The following GAREM1 variants were observed in gnomAD, a reference collection of about 807,000 sequenced individuals.
GAREM1 encodes the protein GRB2 associated regulator of MAPK1 subtype 1.
In GAREM1, 26 loss-of-function variants were observed where a neutral mutation model predicts 71.3. The ratio of observed to expected loss-of-function variants is 0.36; its 90% CI spans 0.27 to 0.51. GAREM1 has a LOEUF of 0.51. Ranked by LOEUF, GAREM1 falls within the 20% of genes least tolerant of loss-of-function variation. The probability of loss-of-function intolerance (pLI) is 0.95; values close to 1 mark genes in which losing one functional copy is unlikely to be tolerated. For missense variants in GAREM1, 1,026 were observed against 1,103.1 expected, an observed-to-expected ratio of 0.93 and a Z score of 0.99; for synonymous variants, 440 against 433.2, an observed-to-expected ratio of 1.02 and a Z score of -0.20.
chr18:32,381,474 C>A (rs965027045), intron 2 of GAREM1, among the ~76,000 whole-genome samples: 9 of 152,166 alleles, frequency 5.9e-5, no homozygotes, highest in Non-Finnish European at 1.2e-4. Context: ...TTAAAAATTT[C>A]TCAGAATTAT....
chr18:32,389,898 T>A (rs757725203), intron 2 of GAREM1, among the ~76,000 whole-genome samples: 1 of 152,160 alleles, frequency 6.6e-6, no homozygotes, highest in Non-Finnish European at 1.5e-5. Flanking sequence ...CCAGGCCAGG[T>A]ATGATGGCTC....
intron 2 of GAREM1, among the ~76,000 whole-genome samples, chr18:32,388,418 G>A (rs1336954620): frequency 6.6e-6 from 1 of 152,170 alleles, no homozygotes; most frequent in East Asian, 1.9e-4. Context: ...GGGGAGTGGT[G>A]GGGGGAGAAG....
chr18:32,318,066 C>T (rs918233498), intron 2 of GAREM1, among the ~76,000 whole-genome samples: 1 of 152,156 alleles, frequency 6.6e-6, no homozygotes, highest in Non-Finnish European at 1.5e-5. Flanking sequence ...CTTTCAGGAG[C>T]TTTGATGATT....
chr18:32,468,960 T>TCCCCCCCCCCCCCCCCC (rs34977174), intron 1 of GAREM1, among the ~76,000 whole-genome samples: 107 of 82,190 alleles, frequency 1.3e-3, no homozygotes, highest in African/African-American at 1.9e-3. Flanking sequence ...CACCTGTGCG[T>TCCCCCCCCCCCCCCCCC]CCCCCCCCCC....
chr18:32,450,129 G>T (rs2048821409), intron 1 of GAREM1, among the ~76,000 whole-genome samples: 1 of 152,180 alleles, frequency 6.6e-6, no homozygotes, highest in Non-Finnish European at 1.5e-5. Context: ...GGCACAACCA[G>T]TCAGAAAATT....
chr18:32,430,450 T>C (rs1451981557), intron 1 of GAREM1, among the ~76,000 whole-genome samples: 1 of 152,182 alleles, frequency 6.6e-6, no homozygotes, highest in Non-Finnish European at 1.5e-5. Context: ...TCTCTCTATA[T>C]ATATACTAGG....
chr18:32,461,673 G>A (rs2048954837), intron 1 of GAREM1, among the ~76,000 whole-genome samples: 1 of 151,814 alleles, frequency 6.6e-6, no homozygotes, highest in African/African-American at 2.4e-5. Context: ...CCAGTCTGAG[G>A]GACAGAGCAA....
At chr18:32,324,611 A>G (rs1236774002) in intron 2 of GAREM1, among the ~76,000 whole-genome samples, 1 of 152,264 alleles carries the variant, frequency 6.6e-6, no homozygotes, top group East Asian at 1.9e-4. Flanking sequence ...ATAGGAGGAC[A>G]GTCCAAATTC....
At chr18:32,422,942 C>T (rs1339690049) in intron 1 of GAREM1, among the ~76,000 whole-genome samples, 1 of 152,144 alleles carries the variant, frequency 6.6e-6, no homozygotes, top group Admixed American at 6.5e-5. Flanking sequence ...TAGAACTCGG[C>T]CTCCTGCTTC....
intron 1 of GAREM1, among the ~76,000 whole-genome samples, chr18:32,439,641 T>C (rs564001069): frequency 7.0e-6 from 1 of 141,868 alleles, no homozygotes; most frequent in Non-Finnish European, 1.5e-5. Context: ...AGTGACCAAA[T>C]GAGCTTTTTT....
intron 2 of GAREM1, among the ~76,000 whole-genome samples, chr18:32,357,724 T>C (rs1002737143): frequency 3.9e-5 from 6 of 152,210 alleles, no homozygotes; most frequent in Non-Finnish European, 7.3e-5. Context: ...TTATCCAAAA[T>C]GCAAAACAGG....
At chr18:32,365,844 A>G (rs1219071424) in intron 2 of GAREM1, among the ~76,000 whole-genome samples, 1 of 152,204 alleles carries the variant, frequency 6.6e-6, no homozygotes, top group Non-Finnish European at 1.5e-5. Context: ...TATGAGTTAC[A>G]CTTCTGGAGG....
intron 3 of GAREM1, among the ~76,000 whole-genome samples, chr18:32,291,771 T>C (rs567629549): frequency 5.9e-5 from 9 of 152,200 alleles, no homozygotes; most frequent in African/African-American, 1.9e-4. Context: ...GTTAATTTGC[T>C]GAGAATGATA....
chr18:32,467,263 T>C (rs2049008677), intron 1 of GAREM1, among the ~76,000 whole-genome samples: 1 of 152,190 alleles, frequency 6.6e-6, no homozygotes. Context: ...GGCCAGCACT[T>C]AATTTGGTGT....
intron 4 of GAREM1, among the ~76,000 whole-genome samples, chr18:32,275,398 C>T (rs1406038705): frequency 1.3e-5 from 2 of 152,238 alleles, no homozygotes; most frequent in African/African-American, 2.4e-5. Flanking sequence ...CCCTCACGCT[C>T]AGTGAAGAGC....
chr18:32,448,805 T>C (rs764890451), intron 1 of GAREM1, among the ~76,000 whole-genome samples: 2 of 152,162 alleles, frequency 1.3e-5, no homozygotes, highest in Non-Finnish European at 2.9e-5. Context: ...TTGGGGAGAC[T>C]GGGGTAGGAA....
intron 1 of GAREM1, among the ~76,000 whole-genome samples, chr18:32,393,530 G>A (rs2048223328): frequency 6.6e-6 from 1 of 152,130 alleles, no homozygotes; most frequent in African/African-American, 2.4e-5. Flanking sequence ...AGGTCAGATA[G>A]ATTGAAAGCT....
chr18:32,382,451 C>T (rs2048106429), intron 2 of GAREM1, among the ~76,000 whole-genome samples: 1 of 152,020 alleles, frequency 6.6e-6, no homozygotes, highest in Non-Finnish European at 1.5e-5. Context: ...CAGGCGGGAA[C>T]AAGGCAGGGC....
chr18:32,335,259 T>C (rs2047578421), intron 2 of GAREM1, among the ~76,000 whole-genome samples: 1 of 152,354 alleles, frequency 6.6e-6, no homozygotes, highest in East Asian at 1.9e-4. Flanking sequence ...AATCATAGAA[T>C]GCTAACGCTG....
Sources: allele counts gnomAD v4.1 joint callset (sites outside exome capture counted in the v4.1 genomes callset), GRCh38; gene constraint gnomAD v4.1.1; transcripts MANE v1.5; gene names NCBI Gene and HGNC (gene_info 2026-07-23, HGNC 2026-07-21).